Variants in ARFGEF2 observed in about 807,000 individuals in gnomAD.
The protein encoded by ARFGEF2 is ARF guanine nucleotide exchange factor 2.
Under a neutral mutation model 219.9 loss-of-function variants are expected in ARFGEF2, and 74 were observed. The ratio of observed to expected loss-of-function variants is 0.34; its 90% CI spans 0.28 to 0.41. The LOEUF is 0.41. ARFGEF2 is among the 10% of genes least tolerant of loss of function. ARFGEF2 has a pLI of 1.00. For synonymous variants in ARFGEF2, 733 were observed against 799.2 expected, an observed-to-expected ratio of 0.92 and a Z score of 1.40; for missense variants, 1,743 against 2,218.3, an observed-to-expected ratio of 0.79 and a Z score of 4.30.
rs767927598 is a variant in ARFGEF2 at position 48,985,436 on chromosome 20, G to A, written c.2099G>A (p.Ser700Asn). The A allele has an allele frequency of 4.3e-6, 7 of 1,614,162 alleles. No individual in the cohort carries two copies. Among genetic ancestry groups the A allele is most frequent in the South Asian group, 2.2e-5 (2 of 91,080 alleles). The change falls in exon 16 of 39, where the codon AGC becomes AAC. Residue 700 changes from serine (S) to asparagine (N), a missense_variant. Physicochemically the swap from Ser to Asn is conservative, Grantham distance 46. Around this residue, in one of 5 missense-constraint regions of ARFGEF2, gnomAD observed 666 missense variants for 955.4 expected, o/e 0.70. Transcript: ENST00000371917. ...STQVGDFLGD[S>N]ARFNKEVMYA... ...CAAGTAGGCGATTTTCTGGGAGATA[G>A]CGCAAGGTTCAACAAGGAGGTGATG...
At chr20:48,966,968 C>T (rs2091191987) in intron 8 of ARFGEF2, among the ~76,000 whole-genome samples, 6 of 152,096 alleles carry the variant, frequency 3.9e-5, no homozygotes, top group Non-Finnish European at 8.8e-5. Context: ...CACTTCAGCC[C>T]CCTGAGTATC....
At chr20:49,025,070 G>A (rs2091593559) in intron 35 of ARFGEF2, among the ~76,000 whole-genome samples, 1 of 152,186 alleles carries the variant, frequency 6.6e-6, no homozygotes, top group Admixed American at 6.6e-5. Context: ...ATGCAGTGGA[G>A]GCAGCACTGA....
intron 18 of ARFGEF2, 49 bp downstream of exon 18, chr20:48,988,711 A>G: frequency 6.5e-7 from 1 of 1,534,672 alleles, no homozygotes; most frequent in Admixed American, 1.7e-5. Flanking sequence ...TTTTTAGTGT[A>G]TCAGAATGCA....
chr20:48,981,115 G>T (rs1405990236), intron 14 of ARFGEF2, among the ~76,000 whole-genome samples: 1 of 152,190 alleles, frequency 6.6e-6, no homozygotes, highest in Non-Finnish European at 1.5e-5. Context: ...GCAGTGGCTT[G>T]TACCAGTTGT....
chr20:49,024,893 G>C (rs1381859345), intron 35 of ARFGEF2, among the ~76,000 whole-genome samples: 1 of 152,180 alleles, frequency 6.6e-6, no homozygotes, highest in Non-Finnish European at 1.5e-5. Flanking sequence ...CTAGTCAGGA[G>C]GCTGAGGCAG....
At position 49,017,533 on chromosome 20, in the gene ARFGEF2, T is replaced by A; in HGVS notation, c.4492T>A (p.Ser1498Thr). ...GAGACCTGTAGGAATGGAGGAAGAT[T>A]CATCAGAAAAGCATTTGGTAGGATT... Reference protein sequence around the residue: ...TWRPVGMEEDSSEKHLDVDLD... With the variant: ...TWRPVGMEEDTSEKHLDVDLD... Residue 1498 changes from serine (S) to threonine (T), a missense_variant, in exon 33 of 39, where the codon TCA becomes ACA. By Grantham distance (58) the Ser-to-Thr change is moderately conservative. Coordinates refer to ENST00000371917, the MANE Select transcript of ARFGEF2 (RefSeq NM_006420.3). The A allele has an allele frequency of 6.2e-7, 1 of 1,614,108 alleles. No homozygotes were observed. The highest frequency in any genetic ancestry group is 8.5e-7 in the Non-Finnish European group (1 of 1,180,006).
chr20:48,923,460 G>C lies in ARFGEF2; in HGVS notation c.121+1450G>C, dbSNP rs190224203. ...GAGACTCCCTCAGGGGCCAACTATTGATGCAGAGGTGGTAGTCTAGATAAT... is the reference window on the plus strand; with the variant it reads ...GAGACTCCCTCAGGGGCCAACTATTCATGCAGAGGTGGTAGTCTAGATAAT... On this transcript the variant is annotated intron_variant, in intron 1 of 38. Transcript: ENST00000371917. Among the ~76,000 whole-genome samples, 5 of 152,312 alleles carry C rather than the reference G, an allele frequency of 3.3e-5. No individual in the cohort carries two copies. In the East Asian group the frequency reaches 9.6e-4, roughly 29 times the overall value.
rs1486066458 is a variant in ARFGEF2, at chr20:48,989,612, C to T, written c.2742C>T (p.Asp914=). The part of the protein sequence containing the change: ...AYSIGLQNCD[D]TEVASLCLEG... Reference sequence around the variant, plus strand: ...GCATCGGACTCCAGAACTGTGATGACACTGAAGTGGCCTCCTTGTGTTTGG... The same window carrying T: ...GCATCGGACTCCAGAACTGTGATGATACTGAAGTGGCCTCCTTGTGTTTGG... Residue 914 remains aspartate (D), a synonymous_variant, in exon 20 of 39, where the codon GAC becomes GAT. Transcript: ENST00000371917. 2 of 1,614,238 alleles carry T rather than the reference C, an allele frequency of 1.2e-6. No individual in the cohort carries two copies. Among genetic ancestry groups the T allele is most frequent in the Admixed American group, 3.3e-5 (2 of 60,026 alleles).
chr20:49,023,107 C>G lies in ARFGEF2; in HGVS notation c.4681C>G (p.Gln1561Glu), dbSNP rs2091575758. Residue 1561 changes from glutamine (Q) to glutamate (E), a missense_variant, in exon 35 of 39, where the codon CAG becomes GAG. This residue lies in a region of ARFGEF2 where 578 missense variants were observed against 664.0 expected (regional missense o/e 0.87). Coordinates refer to ENST00000371917, the MANE Select transcript of ARFGEF2 (RefSeq NM_006420.3). ...GTGTGTGGTCCAGTTGGAATTGATA[C>G]AGACCATTGACAACATTGTGTTCTA... is the stretch of plus-strand genomic sequence containing the variant. Reference protein sequence around the residue: ...IKCVVQLELIQTIDNIVFYPA... With the variant: ...IKCVVQLELIETIDNIVFYPA... 2 of 1,614,076 alleles carry G rather than the reference C, an allele frequency of 1.2e-6. No homozygotes were observed. The highest frequency in any genetic ancestry group is 1.7e-6 in the Non-Finnish European group (2 of 1,180,034).
At chr20:49,023,763 C>T (rs925866674) in intron 35 of ARFGEF2, among the ~76,000 whole-genome samples, 5 of 152,084 alleles carry the variant, frequency 3.3e-5, no homozygotes, top group Admixed American at 2.6e-4. Flanking sequence ...TGGTCTCGAT[C>T]TCCTGACCTC....
At chr20:49,032,682 C>G (rs1443668716) in intron 38 of ARFGEF2, among the ~76,000 whole-genome samples, 2 of 151,718 alleles carry the variant, frequency 1.3e-5, no homozygotes, top group African/African-American at 2.4e-5. Context: ...ATTTCTGCCT[C>G]CCAGGCTCAA....
In ARFGEF2 at chr20:49,017,502, G is replaced by C. The variant is rs915769278; in HGVS notation, c.4461G>C (p.Leu1487=). ...TCTCTATTTTTTTCTTCAGTTTGCT[G>C]ACATGGAGACCTGTAGGAATGGAGG... ...IFKTTIPHVL[L]TWRPVGMEED... is the part of the protein sequence containing the mutation. The change falls in exon 33 of 39, where the codon CTG becomes CTC. Residue 1487 remains leucine, a synonymous_variant. Transcript: ENST00000371917. 3.1e-6 allele frequency: 5 copies of C among 1,613,450 alleles called. No individual in the cohort carries two copies. The African/African-American group carries it at 5.3e-5, about 17-fold the overall frequency.
chr20:48,958,325 C>T (rs1330373271), intron 6 of ARFGEF2, among the ~76,000 whole-genome samples: 1 of 152,158 alleles, frequency 6.6e-6, no homozygotes, highest in Non-Finnish European at 1.5e-5. Context: ...CTTAAGTCCC[C>T]ACAGTGGGAA....
At chr20:48,960,003 G>A (rs568276008) in intron 6 of ARFGEF2, among the ~76,000 whole-genome samples, 1 of 152,320 alleles carries the variant, frequency 6.6e-6, no homozygotes, top group South Asian at 2.1e-4. Context: ...CTTAAGGTGA[G>A]TTAAAGAGCA....
chr20:49,035,360 T>C lies in ARFGEF2; in HGVS notation c.*2161T>C, dbSNP rs1376058013. 1 of 152,216 alleles carries C rather than the reference T, an allele frequency of 6.6e-6. No homozygotes were observed. Among genetic ancestry groups the C allele is most frequent in the Non-Finnish European group, 1.5e-5 (1 of 68,042 alleles). The allele number at this position is 152,216 out of a possible 1,614,324, so 9.4% of individuals were successfully genotyped here. ...TTCAGGCTTACATTTCTTATTAGTT[T>C]AGTATTTTAAAAGATTTAATTTTCT... On this transcript the variant is annotated 3_prime_UTR_variant, in exon 39 of 39. Coordinates refer to ENST00000371917, the MANE Select transcript of ARFGEF2 (RefSeq NM_006420.3).
intron 28 of ARFGEF2, among the ~76,000 whole-genome samples, chr20:49,012,592 A>T (rs2123523440): frequency 6.6e-6 from 1 of 152,312 alleles, no homozygotes; most frequent in Admixed American, 6.5e-5. Flanking sequence ...AATAGGGTGA[A>T]AACAAGTCCA....
chr20:48,965,955 G>C lies in ARFGEF2; in HGVS notation c.991G>C (p.Val331Leu). Residue 331 changes from valine (V) to leucine (L), a missense_variant, in exon 8 of 39, where the codon GTT becomes CTT. By Grantham distance (32) the Val-to-Leu change is conservative. This residue lies in a region of ARFGEF2 where 394 missense variants were observed against 426.6 expected (regional missense o/e 0.92). Transcript: ENST00000371917. ...CCAGGAATGTGCTATTCCCCCAGGA[G>C]TTGATGAAAACTCACAGACCAACGG... is the stretch of plus-strand genomic sequence containing the variant. Reference protein sequence around the residue: ...ECQECAIPPGVDENSQTNGIA... With the variant: ...ECQECAIPPGLDENSQTNGIA... 2 of 1,614,208 alleles carry C rather than the reference G, an allele frequency of 1.2e-6. No individual in the cohort carries two copies. The highest frequency in any genetic ancestry group is 2.2e-5 in the South Asian group (2 of 91,090).
chr20:49,019,920 T>C (rs2091555534), intron 34 of ARFGEF2, among the ~76,000 whole-genome samples: 1 of 152,236 alleles, frequency 6.6e-6, no homozygotes, highest in African/African-American at 2.4e-5. Context: ...AATTGTCTCT[T>C]AATGTTGCTT....
intron 1 of ARFGEF2, among the ~76,000 whole-genome samples, chr20:48,937,210 G>A (rs1033288663): frequency 2.0e-5 from 3 of 152,172 alleles, no homozygotes; most frequent in African/African-American, 7.2e-5. Flanking sequence ...TTCCTGATTG[G>A]TTTCCCTGCT....
Sources: allele counts gnomAD v4.1 joint callset (sites outside exome capture counted in the v4.1 genomes callset), GRCh38; gene constraint gnomAD v4.1.1; regional missense constraint gnomAD v4.1.1; transcripts MANE v1.5; gene names NCBI Gene and HGNC (gene_info 2026-07-23, HGNC 2026-07-21).